The following SMARCA2 variants were observed in gnomAD, a reference collection of about 807,000 sequenced individuals.
SMARCA2 encodes the protein SWI/SNF-related matrix-associated actin-dependent regulator of chromatin subfamily A member 2.
In SMARCA2, 61 loss-of-function variants were observed where a neutral mutation model predicts 199.8. The observed-to-expected ratio is 0.31, with a 90% CI of 0.25 to 0.38. The LOEUF is 0.38. Ranked by LOEUF, SMARCA2 falls within the 10% of genes least tolerant of loss-of-function variation. SMARCA2 has a pLI of 1.00. For missense variants in SMARCA2, 1,344 were observed against 2,012.2 expected (o/e 0.67, Z 6.35); for synonymous variants, 935 against 732.0 (o/e 1.28, Z -4.48).
intron 32 of SMARCA2, among the ~76,000 whole-genome samples, chr9:2,189,166 G>A (rs775530843): frequency 1.3e-4 from 20 of 152,274 alleles, no homozygotes; most frequent in Non-Finnish European, 2.2e-4. Context: ...TCTTGGATTA[G>A]GATATGGACA....
chr9:2,024,065 C>T (rs1161881932), intron 1 of SMARCA2, among the ~76,000 whole-genome samples: 1 of 152,152 alleles, frequency 6.6e-6, no homozygotes, highest in African/African-American at 2.4e-5. Context: ...TGAAAAAAGA[C>T]AGGCTGGAGA....
At chr9:2,116,106 G>C (rs528586767) in intron 25 of SMARCA2, 57 bp downstream of exon 25, 21 of 1,294,500 alleles carry the variant, frequency 1.6e-5, no homozygotes, top group South Asian at 2.5e-5. Flanking sequence ...GTCTCTGAAG[G>C]ACTCAGAATA....
intron 27 of SMARCA2, among the ~76,000 whole-genome samples, chr9:2,127,996 G>T (rs1483834328): frequency 6.6e-6 from 1 of 151,772 alleles, no homozygotes; most frequent in African/African-American, 2.4e-5. Context: ...ACATTGTTTT[G>T]AAATTCCTAT....
At chr9:2,083,171 G>A (rs982053557) in intron 15 of SMARCA2, among the ~76,000 whole-genome samples, 176 bp from the exon 16 acceptor site, 1 of 152,028 alleles carries the variant, frequency 6.6e-6, no homozygotes, top group Non-Finnish European at 1.5e-5. Context: ...TTTTGTGACA[G>A]TTTGTTTTGA....
chr9:2,151,212 ACAGACAG>A (rs1825056778), intron 27 of SMARCA2, among the ~76,000 whole-genome samples: 1 of 151,636 alleles, frequency 6.6e-6, no homozygotes, highest in Non-Finnish European at 1.5e-5. Context: ...CAGTTCATGC[ACAGACAG>A]CAAAGTATGT....
At chr9:2,117,855 G>T (rs920552819) in intron 25 of SMARCA2, among the ~76,000 whole-genome samples, 3 of 152,146 alleles carry the variant, frequency 2.0e-5, no homozygotes, top group East Asian at 3.9e-4. Context: ...CCGTTTTCAG[G>T]GGGGCTTGTG....
chr9:2,129,745 G>A (rs1213934748), intron 27 of SMARCA2, among the ~76,000 whole-genome samples: 1 of 152,170 alleles, frequency 6.6e-6, no homozygotes. Flanking sequence ...CACTGGAGCT[G>A]TTTAGGGGCC....
chr9:2,112,161 G>A (rs1216413810), intron 24 of SMARCA2, among the ~76,000 whole-genome samples: 7 of 152,176 alleles, frequency 4.6e-5, no homozygotes, highest in African/African-American at 1.4e-4. Flanking sequence ...TATGCAGCAG[G>A]CAGTGAGCTA....
At chr9:2,088,640 G>GA (rs1554624111) in intron 19 of SMARCA2, 27 bp downstream of exon 19, 1 of 1,396,180 alleles carries the variant, frequency 7.2e-7, no homozygotes, top group Non-Finnish European at 9.7e-7. Flanking sequence ...AAAGTTGTGG[G>GA]TTTTTTTTTT....
Position 2,016,001 on chromosome 9 carries a change from C to G in SMARCA2, c.-37+597C>G, listed in dbSNP as rs1262749779. ...AAGGAGGGCGGGGAGCCCAGGCTGG[C>G]GGCGGGGCGCCAACGGACGCTGTTG... On this transcript the variant is annotated intron_variant, in intron 1 of 33. Coordinates refer to ENST00000349721, the MANE Select transcript of SMARCA2 (RefSeq NM_003070.5). This position sits in a 1 kb window ranked among gnomAD's most constrained non-coding sequence, Gnocchi z 5.6. 3 of 152,556 alleles carry G rather than the reference C, an allele frequency of 2.0e-5. No homozygotes were observed. The highest frequency in any genetic ancestry group is 6.5e-5 in the Admixed American group (1 of 15,294). The allele number at this position is 152,556 out of a possible 1,614,324, so 9.5% of individuals were successfully genotyped here.
chr9:2,178,745 T>G (rs1826800887), intron 29 of SMARCA2, among the ~76,000 whole-genome samples: 1 of 152,036 alleles, frequency 6.6e-6, no homozygotes, highest in Non-Finnish European at 1.5e-5. Flanking sequence ...AACCTGTAAT[T>G]TAGGAAAAAA....
intron 27 of SMARCA2, among the ~76,000 whole-genome samples, chr9:2,128,535 G>A (rs1439286375): frequency 6.6e-6 from 1 of 152,248 alleles, no homozygotes; most frequent in Non-Finnish European, 1.5e-5. Flanking sequence ...CTCAGCAGTT[G>A]CTAAGTCAGC....
In SMARCA2 at chr9:2,082,019, A is replaced by G. The variant is rs751795592; in HGVS notation, c.2348+24A>G. On this transcript the variant is annotated intron_variant, in intron 15 of 33. Transcript: ENST00000349721. ...TCGTAAGTAAAGTCATTTATTCCAC[A>G]GTCATCGTTCTGTATGTTGTAGAGT... is the stretch of plus-strand genomic sequence containing the variant. 10 of 1,604,940 alleles carry G rather than the reference A, an allele frequency of 6.2e-6. No homozygotes were observed. The African/African-American group carries it at 1.2e-4, about 19-fold the overall frequency.
chr9:2,163,104 G>A (rs1286166691), intron 28 of SMARCA2, among the ~76,000 whole-genome samples: 1 of 152,144 alleles, frequency 6.6e-6, no homozygotes, highest in African/African-American at 2.4e-5. Context: ...AAATTAAGTG[G>A]TATAAAAAGC....
chr9:2,104,250 A>C lies in SMARCA2; in HGVS notation c.3292+81A>C. The C allele has an allele frequency of 7.9e-7, 1 of 1,271,970 alleles. No homozygotes were observed. Among genetic ancestry groups the C allele is most frequent in the Non-Finnish European group, 1.1e-6 (1 of 908,814 alleles). 78.8% of individuals were successfully genotyped at this position (1,271,970 alleles called of 1,614,324 possible). A position where few individuals can be genotyped will look rare whatever the true frequency, so the allele number is the denominator to read the frequency against. Reference sequence around the variant, plus strand: ...TGGGCACTTAGGTCCAATCTCAGCCAAAAAGAAGGGGTAAAATTGAAGAAT... The same window carrying C: ...TGGGCACTTAGGTCCAATCTCAGCCCAAAAGAAGGGGTAAAATTGAAGAAT... On this transcript the variant is annotated intron_variant, in intron 23 of 33. Coordinates refer to ENST00000349721, the MANE Select transcript of SMARCA2 (RefSeq NM_003070.5). The surrounding 1 kb of genome is among the most constrained non-coding windows in gnomAD (Gnocchi z 4.0).
At position 2,193,017 on chromosome 9, in the gene SMARCA2, T is replaced by C. The variant is rs539464457; in HGVS notation, c.*278T>C. On this transcript the variant is annotated 3_prime_UTR_variant, in exon 34 of 34. Coordinates refer to ENST00000349721, the MANE Select transcript of SMARCA2 (RefSeq NM_003070.5). ...ATGGAAAATATGTGGGTGGATAGTA[T>C]ATTTCTATGGGTGGGTCTAATTTGG... The C allele has an allele frequency of 2.6e-6, 1 of 387,824 alleles. No individual in the cohort carries two copies. The highest frequency in any genetic ancestry group is 5.0e-5 in the South Asian group (1 of 20,190). 24.0% of individuals were successfully genotyped at this position (387,824 alleles called of 1,614,324 possible).
intron 10 of SMARCA2, 128 bp downstream of exon 10, chr9:2,070,599 C>T: frequency 1.5e-6 from 1 of 653,734 alleles, no homozygotes; most frequent in South Asian, 1.9e-5. Context: ...AATAGTAATA[C>T]ATTAGCATAG....
intron 14 of SMARCA2, among the ~76,000 whole-genome samples, chr9:2,078,269 C>G (rs754917562): frequency 6.6e-6 from 1 of 151,734 alleles, no homozygotes; most frequent in Non-Finnish European, 1.5e-5. Context: ...GTCAGGAGCT[C>G]GAGACCAGCC....
chr9:2,094,518 G>A (rs1822190373), intron 19 of SMARCA2, among the ~76,000 whole-genome samples: 1 of 152,200 alleles, frequency 6.6e-6, no homozygotes, highest in Non-Finnish European at 1.5e-5. Flanking sequence ...ATTCAGGAAG[G>A]TTTGATCAAG....
Sources: gnomAD v4.1 joint callset for allele counts (sites outside exome capture counted in the v4.1 genomes callset) on GRCh38, gnomAD v4.1.1 for gene constraint, Gnocchi (gnomAD v3.1) non-coding constraint, MANE v1.5 for transcripts, NCBI Gene and HGNC (gene_info 2026-07-23, HGNC 2026-07-21) for gene names.